SYN3: variants seen among roughly 807,000 people sequenced by gnomAD.
SYN3 encodes the protein synapsin III.
SYN3 carries 35 observed loss-of-function variants against 65.8 expected under a neutral mutation model. That is an observed-to-expected ratio of 0.53 (90% CI 0.41 to 0.70). SYN3 has a LOEUF of 0.70. Ranked by LOEUF, SYN3 falls within the 30% of genes least tolerant of loss-of-function variation. SYN3 has a pLI of 0.00. For missense variants in SYN3, 680 were observed against 749.0 expected (o/e 0.91, Z 1.08); for synonymous variants, 270 against 292.9 (o/e 0.92, Z 0.80).
intron 7 of SYN3, among the ~76,000 whole-genome samples, chr22:32,545,291 T>G (rs1339411031): frequency 6.6e-6 from 1 of 152,206 alleles, no homozygotes; most frequent in Non-Finnish European, 1.5e-5. Flanking sequence ...CCTAGTTTGT[T>G]TATGCCTTTG....
intron 4 of SYN3, among the ~76,000 whole-genome samples, chr22:32,888,860 A>AG (rs1480975203): frequency 1.1e-5 from 1 of 89,658 alleles, no homozygotes; most frequent in Non-Finnish European, 2.5e-5. Flanking sequence ...ATCTGAAATC[A>AG]AAAACCCTTC....
intron 1 of SYN3, among the ~76,000 whole-genome samples, chr22:33,027,318 C>T (rs953778088): frequency 1.1e-4 from 16 of 151,926 alleles, no homozygotes; most frequent in African/African-American, 1.2e-4. Flanking sequence ...AACTTCAGGC[C>T]GGGCACGGTG....
At chr22:32,549,023 T>C (rs1293355580) in intron 7 of SYN3, among the ~76,000 whole-genome samples, 1 of 151,998 alleles carries the variant, frequency 6.6e-6, no homozygotes, top group East Asian at 1.9e-4. Flanking sequence ...GATGTTGGGA[T>C]GGTCCTCTGG....
chr22:32,908,232 C>T (rs951744145), intron 4 of SYN3, among the ~76,000 whole-genome samples: 2 of 151,906 alleles, frequency 1.3e-5, no homozygotes, highest in African/African-American at 4.8e-5. Context: ...ATTATAAGTG[C>T]CCACTACCAC....
intron 6 of SYN3, among the ~76,000 whole-genome samples, chr22:32,763,142 T>TTTG (rs71961154): frequency 6.7e-6 from 1 of 149,216 alleles, no homozygotes; most frequent in Non-Finnish European, 1.5e-5. Flanking sequence ...TGATCTATTT[T>TTTG]TTGTTGTTGT....
At position 32,623,572 on chromosome 22, in the gene SYN3, C is replaced by T. The variant is rs1172347311; in HGVS notation, c.712-26836G>A. Among the ~76,000 whole-genome samples the T allele has an allele frequency of 2.6e-5, 4 of 152,226 alleles. No homozygotes were observed. In the South Asian group the frequency reaches 8.3e-4, roughly 32 times the overall value. ...CCATAACCCCAACCTGCCTGCCCTG[C>T]CTGGCCTGCAGGCCTAGCTGGCAAA... On this transcript the variant is annotated intron_variant, in intron 6 of 13. Coordinates refer to ENST00000358763, the MANE Select transcript of SYN3 (RefSeq NM_003490.4).
chr22:32,771,936 G>T (rs1347187142), intron 6 of SYN3, among the ~76,000 whole-genome samples: 1 of 152,100 alleles, frequency 6.6e-6, no homozygotes, highest in Non-Finnish European at 1.5e-5. Flanking sequence ...GCTGCTGCTT[G>T]GAAGCAGGTT....
At chr22:32,587,617 A>T (rs2059067856) in intron 7 of SYN3, among the ~76,000 whole-genome samples, 2 of 151,956 alleles carry the variant, frequency 1.3e-5, no homozygotes, top group African/African-American at 4.8e-5. Context: ...ACTGACTCCC[A>T]CTCCAAAGGC....
At chr22:32,961,825 T>A (rs2051662029) in intron 3 of SYN3, among the ~76,000 whole-genome samples, 1 of 152,230 alleles carries the variant, frequency 6.6e-6, no homozygotes, top group Non-Finnish European at 1.5e-5. Flanking sequence ...TAGTGTTAAC[T>A]AAAACAGACC....
intron 5 of SYN3, 117 bp downstream of exon 5, chr22:32,868,849 G>T: frequency 3.5e-6 from 3 of 862,354 alleles, no homozygotes; most frequent in Non-Finnish European, 4.9e-6. Flanking sequence ...CAGTTCAGTT[G>T]CTTAAATAAG....
At chr22:32,894,799 T>C (rs2049545370) in intron 4 of SYN3, among the ~76,000 whole-genome samples, 1 of 152,186 alleles carries the variant, frequency 6.6e-6, no homozygotes, top group Non-Finnish European at 1.5e-5. Context: ...GTGGGTGGGC[T>C]TCATCAGATC....
At chr22:32,671,161 T>G (rs1394351917) in intron 6 of SYN3, among the ~76,000 whole-genome samples, 1 of 152,186 alleles carries the variant, frequency 6.6e-6, no homozygotes. Flanking sequence ...CAGAGGTTTT[T>G]GGGGTGCACG....
At position 33,025,283 on chromosome 22, in the gene SYN3, G is replaced by A. The variant is rs187796449; in HGVS notation, c.-162-18459C>T. On this transcript the variant is annotated intron_variant, in intron 1 of 13. Transcript: ENST00000358763. ...AGCCTGGCCAATATGGTAAAACCCC[G>A]TCTCTACTAAAAATACAAAAATTAG... Among the ~76,000 whole-genome samples the A allele has an allele frequency of 4.0e-5, 6 of 151,682 alleles. No individual in the cohort carries two copies. The East Asian group carries it at 9.7e-4, about 25-fold the overall frequency.
intron 11 of SYN3, 29 bp downstream of exon 11, chr22:32,528,845 A>G (rs1427003455): frequency 6.2e-7 from 1 of 1,613,786 alleles, no homozygotes; most frequent in East Asian, 2.2e-5. Flanking sequence ...TCATGGCTAT[A>G]AAGTCTCCTT....
At chr22:32,955,292 G>C (rs1218391397) in intron 3 of SYN3, among the ~76,000 whole-genome samples, 2 of 152,116 alleles carry the variant, frequency 1.3e-5, no homozygotes, top group Admixed American at 6.5e-5. Context: ...CAGCACTCAG[G>C]ATGCTAAATG....
intron 6 of SYN3, among the ~76,000 whole-genome samples, chr22:32,602,544 C>A (rs1282123562): frequency 6.6e-6 from 1 of 152,186 alleles, no homozygotes; most frequent in Non-Finnish European, 1.5e-5. Context: ...TCACTGCAAC[C>A]TCCAACTCCC....
chr22:32,911,059 A>T (rs748277742), intron 4 of SYN3, among the ~76,000 whole-genome samples: 1 of 152,200 alleles, frequency 6.6e-6, no homozygotes, highest in Non-Finnish European at 1.5e-5. Context: ...ACACACAGAC[A>T]TAGGGTCATA....
At chr22:32,920,675 TTC>T (rs1481903571) in intron 4 of SYN3, among the ~76,000 whole-genome samples, 1 of 152,204 alleles carries the variant, frequency 6.6e-6, no homozygotes, top group Non-Finnish European at 1.5e-5. Context: ...CTAAGAGTTA[TTC>T]TCTTTTTGTG....
intron 1 of SYN3, among the ~76,000 whole-genome samples, chr22:33,010,734 T>C (rs1413663089): frequency 6.6e-6 from 1 of 152,186 alleles, no homozygotes; most frequent in Non-Finnish European, 1.5e-5. Flanking sequence ...TGAGTAGAAT[T>C]GTCACTGAAC....
Sources: gnomAD v4.1 joint callset for allele counts (sites outside exome capture counted in the v4.1 genomes callset) on GRCh38, gnomAD v4.1.1 for gene constraint, MANE v1.5 for transcripts, NCBI Gene and HGNC (gene_info 2026-07-23, HGNC 2026-07-21) for gene names.